AKAP4: variants seen among roughly 807,000 people sequenced by gnomAD.
AKAP4 encodes the protein A-kinase anchor protein 4.
A neutral mutation model predicts 42.6 loss-of-function variants in AKAP4; 4 were observed. The ratio of observed to expected loss-of-function variants is 0.09; its 90% CI spans 0.05 to 0.22. The LOEUF (loss-of-function observed/expected upper bound fraction) is 0.22, where lower values mean the gene tolerates loss of function less well. Ranked by LOEUF, AKAP4 falls within the 10% of genes least tolerant of loss-of-function variation. The pLI is 1.00. For missense variants in AKAP4, 551 were observed against 630.7 expected (o/e 0.87, Z 1.35); for synonymous variants, 223 against 233.0 (o/e 0.96, Z 0.39).
At position 50,193,379 on chromosome X, in the gene AKAP4, C is replaced by T. The variant is rs1323173458; in HGVS notation, c.1334G>A (p.Ser445Asn). Residue 445 changes from serine (S) to asparagine (N), a missense_variant, in exon 5 of 6, where the codon AGT becomes AAT. Coordinates refer to ENST00000358526, the MANE Select transcript of AKAP4 (RefSeq NM_003886.3). Reference sequence around the variant, plus strand: ...AGCTTTTAAAGATGCATATGACAGACTCTGAGACTTAGTCTCCTTCTCCTC... The same window carrying T: ...AGCTTTTAAAGATGCATATGACAGATTCTGAGACTTAGTCTCCTTCTCCTC... ...IGEEKETKSQ[S>N]LSYASLKAGS... The T allele has an allele frequency of 8.3e-7, 1 of 1,209,834 alleles. No homozygotes were observed. Among genetic ancestry groups the T allele is most frequent in the African/African-American group, 1.8e-5 (1 of 57,107 alleles).
chrX:50,200,320 G>C (rs1557204730), intron 1 of AKAP4: 1 of 752,953 alleles, frequency 1.3e-6, no homozygotes, highest in Non-Finnish European at 1.6e-6. Flanking sequence ...GAAGTGCCAA[G>C]TTCTTGGGCA....
intron 3 of AKAP4, among the ~76,000 whole-genome samples, chrX:50,197,237 AC>A (rs782027194): frequency 2.1e-4 from 23 of 108,728 alleles, no homozygotes; most frequent in Non-Finnish European, 4.0e-4. Flanking sequence ...TATATTCATC[AC>A]CCTTTGGATG....
chrX:50,191,619 GGTGT>G (rs34737063), intron 5 of AKAP4, among the ~76,000 whole-genome samples: 12 of 85,768 alleles, frequency 1.4e-4, no homozygotes, highest in Admixed American at 2.8e-4. Flanking sequence ...CTGTCAGATA[GGTGT>G]GTGTGTGTGT....
chrX:50,198,287 G>A lies in AKAP4; in HGVS notation c.123+370C>T, dbSNP rs782400024. Among the ~76,000 whole-genome samples, 6 of 111,266 alleles carry A rather than the reference G, an allele frequency of 5.4e-5. No individual in the cohort carries two copies. In the East Asian group the frequency reaches 1.7e-3, roughly 32 times the overall value. On this transcript the variant is annotated intron_variant, in intron 2 of 5. Coordinates refer to ENST00000358526, the MANE Select transcript of AKAP4 (RefSeq NM_003886.3). Reference sequence around the variant, plus strand: ...AAGCCCTGTGAATTACTTGAAGTTTGGGAAACAGACCATGAAGCATTTTGC... The same window carrying A: ...AAGCCCTGTGAATTACTTGAAGTTTAGGAAACAGACCATGAAGCATTTTGC...
chrX:50,191,660 G>GAA (rs1935112039), intron 5 of AKAP4, among the ~76,000 whole-genome samples: 1 of 31,997 alleles, frequency 3.1e-5, no homozygotes, highest in Non-Finnish European at 5.2e-5. Context: ...GTGTGTGTGT[G>GAA]AGAGAGAGAA....
chrX:50,192,043 A>T (rs1363946979), intron 5 of AKAP4, among the ~76,000 whole-genome samples: 1 of 110,998 alleles, frequency 9.0e-6, no homozygotes, highest in African/African-American at 3.3e-5. Flanking sequence ...CCAATGTTTT[A>T]TCAAATAGTT....
intron 1 of AKAP4, among the ~76,000 whole-genome samples, chrX:50,199,401 C>T (rs782193063): frequency 3.7e-5 from 4 of 109,539 alleles, no homozygotes; most frequent in South Asian, 4.2e-4. Context: ...AATATAACAC[C>T]GAGAGACAGA....
chrX:50,197,689 G>T, intron 2 of AKAP4, 95 bp from the exon 3 acceptor site: 1 of 760,711 alleles, frequency 1.3e-6, no homozygotes, highest in South Asian at 2.8e-5. Flanking sequence ...ACCTCAGAGG[G>T]TTCTTGTGAG....
In AKAP4 at chrX:50,194,389, T is replaced by C. The variant is rs1935162973; in HGVS notation, c.324A>G (p.Val108=). The C allele has an allele frequency of 1.7e-6, 2 of 1,208,876 alleles. No homozygotes were observed. The highest frequency in any genetic ancestry group is 1.7e-5 in the African/African-American group (1 of 57,366). The change falls in exon 5 of 6, where the codon GTA becomes GTG. Residue 108 remains valine (V), a synonymous_variant. Transcript: ENST00000358526. ...CACTGAGAAGCCAGTTGAGGACACT[T>C]ACAGGATCAGAGGGAGCTTGTTTGA... The part of the protein sequence containing the change: ...CLFKQAPSDP[V]SVLNWLLSDL...
intron 4 of AKAP4, 25 bp from the exon 5 acceptor site, chrX:50,194,461 A>G: frequency 8.8e-7 from 1 of 1,131,008 alleles, no homozygotes; most frequent in Non-Finnish European, 1.2e-6. Flanking sequence ...AGACCTATCC[A>G]TAAGAGTTTG....
intron 4 of AKAP4, 54 bp from the exon 5 acceptor site, chrX:50,194,490 C>G (rs1377870768): frequency 1.0e-6 from 1 of 989,849 alleles, no homozygotes; most frequent in African/African-American, 2.0e-5. Flanking sequence ...ACTTTTTTCC[C>G]TTATTTTATT....
chrX:50,197,382 T>A (rs189753648), intron 3 of AKAP4, among the ~76,000 whole-genome samples, 162 bp downstream of exon 3: 1 of 110,951 alleles, frequency 9.0e-6, no homozygotes, highest in Non-Finnish European at 1.9e-5. Context: ...TGACGGTAAA[T>A]TCAGAACCAG....
At chrX:50,198,233 G>A (rs1197929571) in intron 2 of AKAP4, among the ~76,000 whole-genome samples, 15 of 111,409 alleles carry the variant, frequency 1.3e-4, no homozygotes, top group Non-Finnish European at 2.6e-4. Context: ...AATAGTATGC[G>A]TGACATTTGA....
chrX:50,198,391 G>T (rs1029002740), intron 2 of AKAP4, among the ~76,000 whole-genome samples: 2 of 109,549 alleles, frequency 1.8e-5, no homozygotes, highest in African/African-American at 6.7e-5. Context: ...AATAGAGGCT[G>T]GTTGCCAGGC....
intron 1 of AKAP4, 58 bp downstream of exon 1, chrX:50,200,805 T>C: frequency 9.0e-7 from 1 of 1,113,299 alleles, no homozygotes; most frequent in Non-Finnish European, 1.2e-6. Context: ...CTTCTGTAGT[T>C]TCACCTCACC....
rs782131534 is a variant in AKAP4, at chrX:50,193,297, A to G, written c.1416T>C (p.Ala472=). ...NQSLEFSTMK[A]EMKERDKGKM... The stretch of plus-strand genomic sequence containing the variant: ...TGCCTTTGTCCCTCTCTTTCATTTC[A>G]GCTTTCATGGTGGAGAATTCAAGAC... The change falls in exon 5 of 6, where the codon GCT becomes GCC. Residue 472 remains alanine (A), a synonymous_variant. Coordinates refer to ENST00000358526, the MANE Select transcript of AKAP4 (RefSeq NM_003886.3). 2.5e-6 allele frequency: 3 copies of G among 1,211,247 alleles called. No individual in the cohort carries two copies. The highest frequency in any genetic ancestry group is 3.4e-6 in the Non-Finnish European group (3 of 895,450).
At chrX:50,196,058 A>T (rs1557204332) in intron 4 of AKAP4, among the ~76,000 whole-genome samples, 2 of 111,999 alleles carry the variant, frequency 1.8e-5, no homozygotes, top group South Asian at 3.8e-4. Context: ...CTTTTTCAAA[A>T]ATTAATGCCA....
At chrX:50,199,618 A>G (rs1356814745) in intron 1 of AKAP4, among the ~76,000 whole-genome samples, 1 of 111,276 alleles carries the variant, frequency 9.0e-6, no homozygotes, top group Non-Finnish European at 1.9e-5. Flanking sequence ...TAGAACACAC[A>G]GTTAAGAGCT....
At position 50,194,438 on chromosome X, in the gene AKAP4, TAAA is replaced by T; in HGVS notation, c.277-5_277-3del. 8.4e-7 allele frequency: 1 copy of T among 1,186,315 alleles called. No homozygotes were observed. The highest frequency in any genetic ancestry group is 1.1e-6 in the Non-Finnish European group (1 of 882,964). On this transcript the variant is annotated splice_polypyrimidine_tract_variant and splice_region_variant and intron_variant, in intron 4 of 5. Coordinates refer to ENST00000358526, the MANE Select transcript of AKAP4 (RefSeq NM_003886.3). ...GAAAAGGCATACAGATCCCTCTGTCTAAAAAAAGAAGAAGACCTATCCATAAGA... is the reference window on the plus strand; with the variant it reads ...GAAAAGGCATACAGATCCCTCTGTCTAAAAGAAGAAGACCTATCCATAAGA...
Sources: allele counts gnomAD v4.1 joint callset (sites outside exome capture counted in the v4.1 genomes callset), GRCh38; gene constraint gnomAD v4.1.1; transcripts MANE v1.5; gene names NCBI Gene and HGNC (gene_info 2026-07-23, HGNC 2026-07-21).